The following A4GALT variants were observed in gnomAD, a reference collection of about 807,000 sequenced individuals.
A4GALT encodes alpha 1,4-galactosyltransferase (P1PK blood group).
For missense variants in A4GALT, 512 were observed against 486.0 expected (o/e 1.05, Z -0.50); for synonymous variants, 257 against 220.7 (o/e 1.16, Z -1.46).
intron 1 of A4GALT, among the ~76,000 whole-genome samples, chr22:42,708,213 C>A (rs978207093): frequency 6.6e-6 from 1 of 151,656 alleles, no homozygotes; most frequent in Non-Finnish European, 1.5e-5. Flanking sequence ...CATGGAGAAA[C>A]CCCATCTCTA....
intron 1 of A4GALT, among the ~76,000 whole-genome samples, chr22:42,703,106 CTGTGTGTGTGTGTGTGTGTG>C (rs3985930): frequency 2.4e-4 from 32 of 134,108 alleles, no homozygotes; most frequent in African/African-American, 9.1e-4. Context: ...TGCTGCCCCA[CTGTGTGTGTGTGTGTGTGTG>C]TGTGTGTGTG....
In A4GALT at chr22:42,706,060, AAAAAAAAAAAG is replaced by A. The variant is rs1418864995; in HGVS notation, c.-187-10440_-187-10430del. The stretch of plus-strand genomic sequence containing the variant: ...CACAGACTACATCTCAAAAAAAAAA[AAAAAAAAAAAG>A]TTGGCCGGGTGCGGTGGCTCACGCC... On this transcript the variant is annotated intron_variant, in intron 1 of 2. Transcript: ENST00000642412. Among the ~76,000 whole-genome samples, 2 of 111,972 alleles carry A rather than the reference AAAAAAAAAAAG, an allele frequency of 1.8e-5. 1 individual carries two copies. The highest frequency in any genetic ancestry group is 4.1e-5 in the Non-Finnish European group (2 of 48,704). 73.5% of individuals were successfully genotyped at this position (111,972 alleles called of 152,430 possible). A position where few individuals can be genotyped will look rare whatever the true frequency, so the allele number is the denominator to read the frequency against.
upstream of A4GALT, chr22:42,720,966 G>A (rs1224308778): frequency 2.6e-4 from 39 of 149,818 alleles, no homozygotes; most frequent in African/African-American, 9.2e-4. Context: ...GCGGGTCCCG[G>A]TCCCCAGAGC....
rs1399573916 is a variant in A4GALT, at chr22:42,706,165, C to G, written c.-187-10534G>C. 3.2e-5 allele frequency among the ~76,000 whole-genome samples: 4 copies of G among 124,796 alleles called. 1 individual carries two copies. The South Asian group carries it at 1.2e-3, about 37-fold the overall frequency. The allele number at this position is 124,796 out of a possible 152,430, so 81.9% of individuals were successfully genotyped here. A position where few individuals can be genotyped will look rare whatever the true frequency, so the allele number is the denominator to read the frequency against. On this transcript the variant is annotated intron_variant, in intron 1 of 2. Coordinates refer to ENST00000642412, the MANE Select transcript of A4GALT (RefSeq NM_017436.7). ...GGTCAGGAGATCGAGACCATCCTGG[C>G]TAACACGGTGAAACCCCGTCTCTAC...
intron 1 of A4GALT, among the ~76,000 whole-genome samples, chr22:42,696,095 G>A (rs1182507323): frequency 1.7e-4 from 20 of 119,788 alleles, no homozygotes; most frequent in Admixed American, 3.0e-4. Flanking sequence ...GCACTCCAGC[G>A]TGGGTGACAG....
chr22:42,694,252 C>A (rs1170486589), intron 2 of A4GALT, among the ~76,000 whole-genome samples: 1 of 152,268 alleles, frequency 6.6e-6, no homozygotes, highest in Admixed American at 6.5e-5. Flanking sequence ...CACCCAAGGA[C>A]CAGGCCAGTG....
At position 42,693,879 on chromosome 22, in the gene A4GALT, T is replaced by C; in HGVS notation, c.73A>G (p.Ile25Val). ...APRQRVCTLFIIGFKFTFFVS... is the reference protein window; with the variant it reads ...APRQRVCTLFVIGFKFTFFVS... ...AAAAACGTGAACTTGAAGCCGATGA[T>C]GAACAGGGTGCAGACCCGCTGCCTT... is the stretch of plus-strand genomic sequence containing the variant. The change falls in exon 3 of 3, where the codon ATC (isoleucine) becomes GTC (valine). Residue 25 changes from isoleucine (I) to valine (V), a missense_variant. By Grantham distance (29) the Ile-to-Val change is conservative. Coordinates refer to ENST00000642412, the MANE Select transcript of A4GALT (RefSeq NM_017436.7). The C allele has an allele frequency of 6.2e-7, 1 of 1,610,438 alleles. No individual in the cohort carries two copies. Among genetic ancestry groups the C allele is most frequent in the Non-Finnish European group, 8.5e-7 (1 of 1,178,964 alleles).
chr22:42,700,921 T>TTTAA (rs1931259526), intron 1 of A4GALT, among the ~76,000 whole-genome samples: 1 of 152,094 alleles, frequency 6.6e-6, no homozygotes. Flanking sequence ...CAGGATAGTG[T>TTTAA]TTAAGGTCAG....
intron 1 of A4GALT, among the ~76,000 whole-genome samples, chr22:42,698,054 T>G (rs1931057519): frequency 6.6e-6 from 1 of 151,718 alleles, no homozygotes; most frequent in African/African-American, 2.4e-5. Flanking sequence ...ATTAAGACCA[T>G]CCTGGCCAAC....
Position 42,703,106 on chromosome 22 carries a change from CTGTG to C in A4GALT, c.-187-7479_-187-7476del, listed in dbSNP as rs3985930. Among the ~76,000 whole-genome samples the C allele has an allele frequency of 2.1e-3, 287 of 134,104 alleles. 3 individuals are homozygous for C. Among genetic ancestry groups the C allele is most frequent in the Middle Eastern group, 7.1e-3 (2 of 282 alleles). The allele number at this position is 134,104 out of a possible 152,430, so 88.0% of individuals were successfully genotyped here. A position where few individuals can be genotyped will look rare whatever the true frequency, so the allele number is the denominator to read the frequency against. On this transcript the variant is annotated intron_variant, in intron 1 of 2. Coordinates refer to ENST00000642412, the MANE Select transcript of A4GALT (RefSeq NM_017436.7). ...GTGTGAGAGAGAGCATGCTGCCCCA[CTGTG>C]TGTGTGTGTGTGTGTGTGTGTGTGT...
Position 42,714,274 on chromosome 22 carries a change from C to CAAAAAAAAAA in A4GALT, c.-188+6513_-188+6522dup, listed in dbSNP as rs1163088658. ...TGGGCAACAGAGCAAGACTCTGTCT[C>CAAAAAAAAAA]AAAAAAAAAAAAAAAAAAAAAAAAA... On this transcript the variant is annotated intron_variant, in intron 1 of 2. Transcript: ENST00000642412. Among the ~76,000 whole-genome samples the CAAAAAAAAAA allele has an allele frequency of 4.3e-4, 7 of 16,162 alleles. 2 individuals carry two copies. The highest frequency in any genetic ancestry group is 7.6e-4 in the Non-Finnish European group (6 of 7,894). The allele number at this position is 16,162 out of a possible 152,430, so 10.6% of individuals were successfully genotyped here. A position where few individuals can be genotyped will look rare whatever the true frequency, so the allele number is the denominator to read the frequency against.
chr22:42,696,834 T>C (rs1930968973), intron 1 of A4GALT, among the ~76,000 whole-genome samples: 1 of 151,458 alleles, frequency 6.6e-6, no homozygotes. Flanking sequence ...CCGCCTGTTT[T>C]TCAGGCCTCA....
At chr22:42,711,300 C>T (rs1386602145) in intron 1 of A4GALT, among the ~76,000 whole-genome samples, 1 of 152,184 alleles carries the variant, frequency 6.6e-6, no homozygotes, top group Non-Finnish European at 1.5e-5. Context: ...AAACACTTAA[C>T]ACATTATTTT....
rs1930630470 is a variant in A4GALT, at chr22:42,693,387, T to C, written c.565A>G (p.Ile189Val). 3 of 1,613,206 alleles carry C rather than the reference T, an allele frequency of 1.9e-6. No individual in the cohort carries two copies. Among genetic ancestry groups the C allele is most frequent in the South Asian group, 1.1e-5 (1 of 91,088 alleles). Residue 189 changes from isoleucine (I) to valine (V), a missense_variant, in exon 3 of 3, where the codon ATC (isoleucine) becomes GTC (valine). Coordinates refer to ENST00000642412, the MANE Select transcript of A4GALT (RefSeq NM_017436.7). ...RIALMWKFGG[I>V]YLDTDFIVLK... The stretch of plus-strand genomic sequence containing the variant: ...ACAATGAAGTCCGTGTCCAGGTAGA[T>C]GCCGCCGAACTTCCACATGAGTGCG...
chr22:42,698,246 CAA>C (rs11420129), intron 1 of A4GALT, among the ~76,000 whole-genome samples: 61,799 of 135,634 alleles, frequency 0.46, 13,914 homozygotes, highest in East Asian at 0.68. Context: ...GACTCCGTCT[CAA>C]AAAAAAAAAA....
intron 1 of A4GALT, among the ~76,000 whole-genome samples, chr22:42,706,373 A>AAAAAG: frequency 6.6e-6 from 1 of 151,208 alleles, no homozygotes; most frequent in African/African-American, 2.4e-5. Context: ...AAAAAAAAAA[A>AAAAAG]AAAAGTTTCA....
intron 1 of A4GALT, among the ~76,000 whole-genome samples, chr22:42,712,879 C>G (rs1312481714): frequency 6.6e-6 from 1 of 152,178 alleles, no homozygotes; most frequent in African/African-American, 2.4e-5. Context: ...GCCTGGGCGA[C>G]AGAGTGTGAC....
intron 2 of A4GALT, chr22:42,695,028 GGGGTTAGGACCCAGGCCAC>G (rs1930826206): frequency 6.6e-6 from 1 of 152,116 alleles, no homozygotes; most frequent in Admixed American, 6.6e-5. Flanking sequence ...GACAGTGCAG[GGGGTTAGGACCCAGGCCAC>G]CTGGCTGGGG....
intron 1 of A4GALT, among the ~76,000 whole-genome samples, chr22:42,710,697 G>GAAAT (rs57644282): frequency 0.19 from 26,681 of 144,210 alleles, 3,721 homozygotes; most frequent in African/African-American, 0.4. Context: ...ACTCCAGCTC[G>GAAAT]AAATAAATAA....
Sources: gnomAD v4.1 joint callset for allele counts (sites outside exome capture counted in the v4.1 genomes callset) on GRCh38, gnomAD v4.1.1 for gene constraint, MANE v1.5 for transcripts, NCBI Gene and HGNC (gene_info 2026-07-23, HGNC 2026-07-21) for gene names.